PDZRN4: variants seen among roughly 807,000 people sequenced by gnomAD.
The protein encoded by PDZRN4 is PDZ domain-containing RING finger protein 4.
Under a neutral mutation model 99.0 loss-of-function variants are expected in PDZRN4, and 70 were observed. The observed-to-expected ratio is 0.71, with a 90% CI of 0.58 to 0.86. PDZRN4 has a LOEUF of 0.86. Among genes scored for constraint, PDZRN4 ranks in the 40% least tolerant of loss-of-function variants. The pLI is 0.00. For synonymous variants in PDZRN4, 551 were observed against 501.6 expected (o/e 1.10, Z -1.32); for missense variants, 1,474 against 1,331.2 (o/e 1.11, Z -1.67).
chr12:41,215,296 T>A (rs1372374458), intron 3 of PDZRN4, among the ~76,000 whole-genome samples: 1 of 151,896 alleles, frequency 6.6e-6, no homozygotes, highest in Non-Finnish European at 1.5e-5. Flanking sequence ...AGGGAAGAGG[T>A]TCTAAAACTA....
At chr12:41,215,635 T>C (rs1356283119) in intron 3 of PDZRN4, among the ~76,000 whole-genome samples, 11 of 152,048 alleles carry the variant, frequency 7.2e-5, no homozygotes, top group African/African-American at 7.2e-5. Flanking sequence ...GATGATTACA[T>C]AGACATTGTA....
intron 3 of PDZRN4, among the ~76,000 whole-genome samples, chr12:41,352,521 TC>T: frequency 6.6e-6 from 1 of 152,256 alleles, no homozygotes; most frequent in Non-Finnish European, 1.5e-5. Flanking sequence ...CTCTATGTAT[TC>T]CAGAACTTCT....
At chr12:41,351,510 G>A (rs986712177) in intron 3 of PDZRN4, among the ~76,000 whole-genome samples, 1 of 152,038 alleles carries the variant, frequency 6.6e-6, no homozygotes, top group Non-Finnish European at 1.5e-5. Context: ...TTCTGGTGAG[G>A]CCTCAGGAAA....
In PDZRN4 at chr12:41,572,373, CAAG is replaced by C. The variant is rs199717682; in HGVS notation, c.1607_1609del (p.Glu536del). On this transcript the variant is annotated inframe_deletion, in exon 10 of 10. Transcript: ENST00000402685. ...AACATCATTTTCTTAGCCAAAAAAG[CAAG>C]AAGAAGAAGAAGGCACAACAGACAC... 4.3e-4 allele frequency: 677 copies of C among 1,574,612 alleles called. No homozygotes were observed. The highest frequency in any genetic ancestry group is 5.5e-4 in the South Asian group (48 of 86,774).
At chr12:41,484,008 A>G (rs1937727264) in intron 3 of PDZRN4, among the ~76,000 whole-genome samples, 1 of 152,188 alleles carries the variant, frequency 6.6e-6, no homozygotes, top group Non-Finnish European at 1.5e-5. Context: ...TACATTTTTC[A>G]AATACCTAAA....
At chr12:41,340,732 T>C (rs2121013825) in intron 3 of PDZRN4, among the ~76,000 whole-genome samples, 1 of 151,872 alleles carries the variant, frequency 6.6e-6, no homozygotes, top group South Asian at 2.1e-4. Flanking sequence ...TACCCAGACA[T>C]TTTTTAATGA....
At chr12:41,310,606 T>C (rs1314839586) in intron 3 of PDZRN4, among the ~76,000 whole-genome samples, 3 of 152,200 alleles carry the variant, frequency 2.0e-5, no homozygotes, top group African/African-American at 7.2e-5. Context: ...CCAGGCTTTA[T>C]ACTGTTGCTA....
intron 3 of PDZRN4, among the ~76,000 whole-genome samples, chr12:41,482,512 G>A (rs1308102907): frequency 6.6e-6 from 1 of 152,082 alleles, no homozygotes; most frequent in Non-Finnish European, 1.5e-5. Context: ...ACTTAAAGTG[G>A]CAGGATCCAT....
intron 3 of PDZRN4, among the ~76,000 whole-genome samples, chr12:41,338,815 AC>A (rs1951793865): frequency 6.6e-6 from 1 of 152,014 alleles, no homozygotes; most frequent in African/African-American, 2.4e-5. Context: ...GTAAACAACA[AC>A]AACAAAATCT....
chr12:41,488,957 G>A (rs546649216), intron 3 of PDZRN4, among the ~76,000 whole-genome samples: 6 of 152,210 alleles, frequency 3.9e-5, no homozygotes, highest in East Asian at 1.9e-4. Flanking sequence ...CTCACCCTCC[G>A]GGGCAAGTTT....
chr12:41,302,055 A>G (rs1300587940), intron 3 of PDZRN4, among the ~76,000 whole-genome samples: 2 of 152,092 alleles, frequency 1.3e-5, no homozygotes, highest in Admixed American at 6.6e-5. Flanking sequence ...AATATTTCAT[A>G]TAACATTTGT....
intron 3 of PDZRN4, among the ~76,000 whole-genome samples, chr12:41,452,818 C>T (rs1952786382): frequency 6.6e-6 from 1 of 152,062 alleles, no homozygotes; most frequent in Non-Finnish European, 1.5e-5. Context: ...ATTTCAGTTA[C>T]CTTAATTTGC....
chr12:41,563,672 T>C lies in PDZRN4; in HGVS notation c.1467+23T>C, dbSNP rs191372073. 6.6e-5 allele frequency: 99 copies of C among 1,498,880 alleles called. No individual in the cohort carries two copies. The African/African-American group carries it at 8.4e-4, about 13-fold the overall frequency. The allele number at this position is 1,498,880 out of a possible 1,614,324, so 92.8% of individuals were successfully genotyped here. Reference sequence around the variant, plus strand: ...CAGGTCAGAACAGAGATCAAAAGCCTTGAGACTGAACTTTATATTCATTGA... The same window carrying C: ...CAGGTCAGAACAGAGATCAAAAGCCCTGAGACTGAACTTTATATTCATTGA... On this transcript the variant is annotated intron_variant, in intron 8 of 9. Coordinates refer to ENST00000402685, the MANE Select transcript of PDZRN4 (RefSeq NM_001164595.2).
intron 3 of PDZRN4, among the ~76,000 whole-genome samples, chr12:41,253,361 G>T (rs1430283680): frequency 6.6e-6 from 1 of 152,070 alleles, no homozygotes; most frequent in Non-Finnish European, 1.5e-5. Context: ...TAAGAGACAG[G>T]GTTCTAGTTT....
intron 3 of PDZRN4, among the ~76,000 whole-genome samples, chr12:41,328,948 A>G (rs1207465107): frequency 6.6e-6 from 1 of 152,152 alleles, no homozygotes; most frequent in Non-Finnish European, 1.5e-5. Context: ...GCTTTCACAG[A>G]GTTCACTAAT....
intron 3 of PDZRN4, among the ~76,000 whole-genome samples, chr12:41,446,082 G>A (rs541771800): frequency 1.2e-4 from 18 of 152,026 alleles, no homozygotes; most frequent in African/African-American, 4.1e-4. Context: ...TTAAAAGGTA[G>A]CAGCCCCATA....
chr12:41,465,232 T>C (rs1483017064), intron 3 of PDZRN4, among the ~76,000 whole-genome samples: 1 of 152,190 alleles, frequency 6.6e-6, no homozygotes, highest in African/African-American at 2.4e-5. Context: ...ACCAATGCCC[T>C]TCTACTTACA....
At chr12:41,274,661 T>A (rs896948648) in intron 3 of PDZRN4, among the ~76,000 whole-genome samples, 7 of 152,150 alleles carry the variant, frequency 4.6e-5, no homozygotes, top group African/African-American at 1.7e-4. Flanking sequence ...GGAGAGCAGA[T>A]CTCCCAAGAC....
At chr12:41,332,580 G>T (rs564686526) in intron 3 of PDZRN4, among the ~76,000 whole-genome samples, 2 of 152,002 alleles carry the variant, frequency 1.3e-5, no homozygotes, top group South Asian at 2.1e-4. Flanking sequence ...TAGGGGTCTT[G>T]TGATTGCATG....
Sources: allele counts gnomAD v4.1 joint callset (sites outside exome capture counted in the v4.1 genomes callset), GRCh38; gene constraint gnomAD v4.1.1; transcripts MANE v1.5; gene names NCBI Gene and HGNC (gene_info 2026-07-23, HGNC 2026-07-21).